RBFOX1: variants seen among roughly 807,000 people sequenced by gnomAD.
RBFOX1 encodes the protein RNA binding fox-1 homolog 1, also known as RNA binding protein fox-1 homolog 1.
Under a neutral mutation model 57.7 loss-of-function variants are expected in RBFOX1, and 8 were observed. The observed-to-expected ratio is 0.14, with a 90% CI of 0.08 to 0.25. The LOEUF (loss-of-function observed/expected upper bound fraction) is 0.25, where lower values mean the gene tolerates loss of function less well. Among genes scored for constraint, RBFOX1 ranks in the 10% least tolerant of loss-of-function variants. The probability of loss-of-function intolerance (pLI) is 1.00; values close to 1 mark genes in which losing one functional copy is unlikely to be tolerated. For missense variants in RBFOX1, 611 were observed against 548.5 expected (o/e 1.11, Z -1.14); for synonymous variants, 326 against 222.4 (o/e 1.47, Z -4.15).
chr16:6,999,798 A>G (rs973337679), intron 3 of RBFOX1, among the ~76,000 whole-genome samples: 1 of 152,110 alleles, frequency 6.6e-6, no homozygotes, highest in Non-Finnish European at 1.5e-5. Flanking sequence ...TAGGCCAGGC[A>G]TGTTGGCTCA....
At chr16:6,869,869 C>T (rs1418235605) in intron 3 of RBFOX1, among the ~76,000 whole-genome samples, 1 of 152,124 alleles carries the variant, frequency 6.6e-6, no homozygotes, top group Non-Finnish European at 1.5e-5. Flanking sequence ...GGAATCTGTT[C>T]AGAACGTATA....
At chr16:7,482,129 A>G (rs2064117737) in intron 4 of RBFOX1, among the ~76,000 whole-genome samples, 1 of 152,198 alleles carries the variant, frequency 6.6e-6, no homozygotes. Flanking sequence ...CCTGCTCTAT[A>G]GTCATAACAA....
chr16:6,894,999 CACTAAACA>C (rs1172536692), intron 3 of RBFOX1, among the ~76,000 whole-genome samples: 1 of 152,088 alleles, frequency 6.6e-6, no homozygotes, highest in Non-Finnish European at 1.5e-5. Context: ...TGAAAATTAC[CACTAAACA>C]ACGTCAGTCT....
intron 3 of RBFOX1, among the ~76,000 whole-genome samples, chr16:6,805,135 T>G (rs1180405026): frequency 6.6e-6 from 1 of 152,062 alleles, no homozygotes; most frequent in African/African-American, 2.4e-5. Context: ...AGATATGGAA[T>G]CAACCTAAAG....
intron 2 of RBFOX1, among the ~76,000 whole-genome samples, chr16:6,409,061 A>T (rs1295106307): frequency 6.6e-6 from 1 of 152,240 alleles, no homozygotes; most frequent in Non-Finnish European, 1.5e-5. Context: ...TGACTTGAAT[A>T]AATGAATAAA....
intron 3 of RBFOX1, among the ~76,000 whole-genome samples, chr16:6,740,818 C>G (rs879526909): frequency 2.0e-5 from 3 of 152,072 alleles, no homozygotes; most frequent in Non-Finnish European, 2.9e-5. Flanking sequence ...AGAGGTAATG[C>G]AATCATTTCA....
At chr16:5,697,996 T>C (rs1164473537) in intron 3 of RBFOX1, among the ~76,000 whole-genome samples, 2 of 152,226 alleles carry the variant, frequency 1.3e-5, no homozygotes, top group Non-Finnish European at 2.9e-5. Flanking sequence ...ATTGTTGTTA[T>C]ATGCTCTCCC....
chr16:6,911,626 G>C (rs947056482), intron 3 of RBFOX1, among the ~76,000 whole-genome samples: 2 of 152,148 alleles, frequency 1.3e-5, no homozygotes, highest in African/African-American at 4.8e-5. Context: ...ACGTCTCACA[G>C]ATCCTAAGGG....
intron 3 of RBFOX1, among the ~76,000 whole-genome samples, chr16:5,716,887 C>T (rs117634376): frequency 3.9e-5 from 6 of 152,280 alleles, no homozygotes; most frequent in Non-Finnish European, 8.8e-5. Flanking sequence ...AATGTCCAAG[C>T]CTGTCATCCC....
At chr16:6,238,229 G>A (rs1372783970) in intron 1 of RBFOX1, among the ~76,000 whole-genome samples, 1 of 152,062 alleles carries the variant, frequency 6.6e-6, no homozygotes, top group African/African-American at 2.4e-5. Context: ...TGCATTCACA[G>A]TGGAATTACA....
chr16:6,472,285 G>T (rs1168038316), intron 2 of RBFOX1, among the ~76,000 whole-genome samples: 1 of 152,188 alleles, frequency 6.6e-6, no homozygotes, highest in Admixed American at 6.5e-5. Context: ...TGCAGCGTTA[G>T]GGAGAAATGA....
chr16:5,860,658 A>C (rs1476673193), intron 3 of RBFOX1, among the ~76,000 whole-genome samples: 1 of 152,224 alleles, frequency 6.6e-6, no homozygotes, highest in Non-Finnish European at 1.5e-5. Context: ...CCCCAGGGCT[A>C]AAAGAGGACA....
intron 3 of RBFOX1, among the ~76,000 whole-genome samples, chr16:7,049,824 C>A (rs1241133264): frequency 2.0e-5 from 3 of 152,128 alleles, no homozygotes; most frequent in Non-Finnish European, 4.4e-5. Flanking sequence ...AGAACCGAAA[C>A]CTCACCACCC....
intron 3 of RBFOX1, among the ~76,000 whole-genome samples, chr16:6,679,691 C>G (rs75133635): frequency 0.016 from 2,399 of 152,216 alleles, 35 homozygotes; most frequent in Non-Finnish European, 0.023. Context: ...AAACTAACCA[C>G]CACACCATAC....
chr16:6,780,398 T>A lies in RBFOX1; in HGVS notation c.-16+125748T>A, dbSNP rs186717903. Reference sequence around the variant, plus strand: ...ATATATTTATACATATTATATATATTTTTATATATATTTATATATATTTAT... The same window carrying A: ...ATATATTTATACATATTATATATATATTTATATATATTTATATATATTTAT... On this transcript the variant is annotated intron_variant, in intron 3 of 15. Coordinates refer to ENST00000550418, the MANE Select transcript of RBFOX1 (RefSeq NM_018723.4). 1.8e-3 allele frequency among the ~76,000 whole-genome samples: 143 copies of A among 79,912 alleles called. 12 individuals carry two copies. In the South Asian group the frequency reaches 0.019, roughly 10 times the overall value. 52.4% of individuals were successfully genotyped at this position (79,912 alleles called of 152,430 possible). A position where few individuals can be genotyped will look rare whatever the true frequency, so the allele number is the denominator to read the frequency against.
chr16:7,304,120 A>G, intron 4 of RBFOX1: 1 of 774,394 alleles, frequency 1.3e-6, no homozygotes. Context: ...GGGATCTAGC[A>G]CATCCCCAGG....
intron 1 of RBFOX1, among the ~76,000 whole-genome samples, chr16:6,272,561 C>G (rs79592119): frequency 6.6e-6 from 1 of 152,074 alleles, no homozygotes; most frequent in Non-Finnish European, 1.5e-5. Flanking sequence ...TCCCGGTAAG[C>G]TTTTTTGTGG....
chr16:7,615,515 G>A (rs1386480384), intron 10 of RBFOX1, among the ~76,000 whole-genome samples: 1 of 152,074 alleles, frequency 6.6e-6, no homozygotes, highest in Non-Finnish European at 1.5e-5. Context: ...GATGCCAGTG[G>A]GTGCTGACTC....
intron 4 of RBFOX1, among the ~76,000 whole-genome samples, chr16:7,166,617 T>C (rs1195292428): frequency 1.3e-5 from 2 of 152,120 alleles, no homozygotes; most frequent in African/African-American, 4.8e-5. Flanking sequence ...TGTCATGGAC[T>C]GGCCCTCCTT....
Sources: allele counts gnomAD v4.1 joint callset (sites outside exome capture counted in the v4.1 genomes callset), GRCh38; gene constraint gnomAD v4.1.1; transcripts MANE v1.5; gene names NCBI Gene and HGNC (gene_info 2026-07-23, HGNC 2026-07-21).